ALDH1A2: variants seen among roughly 807,000 people sequenced by gnomAD.
The protein encoded by ALDH1A2 is aldehyde dehydrogenase 1 family member A2.
A neutral mutation model predicts 60.3 loss-of-function variants in ALDH1A2; 27 were observed. The ratio of observed to expected loss-of-function variants is 0.45; its 90% CI spans 0.33 to 0.62. The LOEUF is 0.62. Among genes scored for constraint, ALDH1A2 ranks in the 20% least tolerant of loss-of-function variants. The pLI, the probability that ALDH1A2 is intolerant of heterozygous loss-of-function variation, is 0.02. For synonymous variants in ALDH1A2, 289 were observed against 232.4 expected (o/e 1.24, Z -2.21); for missense variants, 581 against 643.8 (o/e 0.90, Z 1.06).
At chr15:58,024,892 A>G (rs1457812217) in intron 1 of ALDH1A2, among the ~76,000 whole-genome samples, 3 of 152,208 alleles carry the variant, frequency 2.0e-5, no homozygotes, top group East Asian at 1.9e-4. Flanking sequence ...ACAACTCTGG[A>G]AACGATACAA....
At chr15:57,979,080 C>T (rs1894385259) in intron 7 of ALDH1A2, among the ~76,000 whole-genome samples, 1 of 152,144 alleles carries the variant, frequency 6.6e-6, no homozygotes, top group Non-Finnish European at 1.5e-5. Context: ...GGGGATTAGG[C>T]CCAACCACTC....
chr15:57,961,071 T>A (rs3784260), intron 11 of ALDH1A2, 66 bp downstream of exon 11: 14 of 1,590,302 alleles, frequency 8.8e-6, no homozygotes, highest in Middle Eastern at 1.7e-4. Context: ...AAGGAGATAC[T>A]TGTTTATTTC....
chr15:58,017,236 C>T (rs1895813690), intron 1 of ALDH1A2, among the ~76,000 whole-genome samples: 1 of 152,132 alleles, frequency 6.6e-6, no homozygotes, highest in Admixed American at 6.5e-5. Context: ...CTGGACCATC[C>T]TGCTCTGATA....
intron 1 of ALDH1A2, among the ~76,000 whole-genome samples, chr15:58,032,961 TA>T (rs1247312165): frequency 2.6e-5 from 4 of 152,032 alleles, no homozygotes; most frequent in African/African-American, 9.7e-5. Context: ...ATGTGGGATC[TA>T]AAAAATATGA....
chr15:58,051,203 TATA>T (rs1362994716), intron 1 of ALDH1A2, among the ~76,000 whole-genome samples: 1 of 152,136 alleles, frequency 6.6e-6, no homozygotes, highest in African/African-American at 2.4e-5. Context: ...GGAACTGGAT[TATA>T]ATATTATTTG....
At chr15:57,974,987 G>T (rs1271839709) in intron 7 of ALDH1A2, among the ~76,000 whole-genome samples, 1 of 152,242 alleles carries the variant, frequency 6.6e-6, no homozygotes, top group Non-Finnish European at 1.5e-5. Context: ...CAATGGTAGA[G>T]AATTGGAAAT....
At chr15:58,021,253 T>C (rs1736786061) in intron 1 of ALDH1A2, among the ~76,000 whole-genome samples, 1 of 152,216 alleles carries the variant, frequency 6.6e-6, no homozygotes, top group Non-Finnish European at 1.5e-5. Context: ...AAGCAGTTTA[T>C]ATGACTGACT....
At chr15:58,029,051 A>G (rs1480378722) in intron 1 of ALDH1A2, among the ~76,000 whole-genome samples, 1 of 149,104 alleles carries the variant, frequency 6.7e-6, no homozygotes, top group Non-Finnish European at 1.5e-5. Context: ...CAAGTGGACC[A>G]AGTCTATTAA....
At chr15:57,970,459 G>C (rs1370259433) in intron 7 of ALDH1A2, among the ~76,000 whole-genome samples, 1 of 152,178 alleles carries the variant, frequency 6.6e-6, no homozygotes, top group Non-Finnish European at 1.5e-5. Context: ...GAGTATCCCT[G>C]GAAGAGCCAC....
chr15:58,038,924 A>G (rs1448540415), intron 1 of ALDH1A2, among the ~76,000 whole-genome samples: 1 of 151,838 alleles, frequency 6.6e-6, no homozygotes, highest in Non-Finnish European at 1.5e-5. Flanking sequence ...AAACGTTTCA[A>G]GTTTTGAAAC....
At chr15:57,971,889 A>G (rs1415577210) in intron 7 of ALDH1A2, among the ~76,000 whole-genome samples, 1 of 152,032 alleles carries the variant, frequency 6.6e-6, no homozygotes, top group African/African-American at 2.4e-5. Flanking sequence ...AAGCCTGGCT[A>G]ATTTATTTTT....
intron 7 of ALDH1A2, 84 bp from the exon 8 acceptor site, chr15:57,965,911 G>A (rs1893881961): frequency 2.9e-6 from 3 of 1,017,486 alleles, no homozygotes; most frequent in Admixed American, 1.8e-5. Context: ...GGCATCAATG[G>A]GATGCAACAG....
At chr15:58,065,324 T>A in intron 1 of ALDH1A2, 1 of 612,952 alleles carries the variant, frequency 1.6e-6, no homozygotes, top group East Asian at 2.9e-5. Flanking sequence ...CGGGTTGGGT[T>A]AAGTCCCCAA....
chr15:57,972,061 C>T (rs1478589852), intron 7 of ALDH1A2, among the ~76,000 whole-genome samples: 1 of 152,054 alleles, frequency 6.6e-6, no homozygotes, highest in Non-Finnish European at 1.5e-5. Context: ...CCTATTCTGT[C>T]TACTTGTTTT....
intron 7 of ALDH1A2, chr15:57,990,078 T>C (rs1894843741): frequency 6.6e-6 from 1 of 151,628 alleles, no homozygotes; most frequent in East Asian, 1.9e-4. Context: ...TACATGAGAA[T>C]TTAAAATCTG....
chr15:57,961,032 T>C, intron 11 of ALDH1A2, 105 bp downstream of exon 11: 2 of 1,486,776 alleles, frequency 1.3e-6, no homozygotes, highest in Non-Finnish European at 1.9e-6. Flanking sequence ...TGGTGAACTT[T>C]GGTTGCTTTT....
chr15:58,046,728 C>G (rs1263624764), intron 1 of ALDH1A2, among the ~76,000 whole-genome samples: 1 of 152,044 alleles, frequency 6.6e-6, no homozygotes, highest in Non-Finnish European at 1.5e-5. Flanking sequence ...ATGGGAGTTT[C>G]TCTCTTCCCT....
chr15:58,007,187 A>G (rs1470882352), intron 4 of ALDH1A2, among the ~76,000 whole-genome samples: 1 of 151,982 alleles, frequency 6.6e-6, no homozygotes, highest in Non-Finnish European at 1.5e-5. Context: ...AGCAGACAAG[A>G]ATGTTGTGAT....
At chr15:57,984,874 T>A (rs895299015) in intron 7 of ALDH1A2, among the ~76,000 whole-genome samples, 2 of 152,252 alleles carry the variant, frequency 1.3e-5, no homozygotes, top group African/African-American at 4.8e-5. Context: ...TCTTCTGTGA[T>A]GATCACCTGG....
Sources: allele counts gnomAD v4.1 joint callset (sites outside exome capture counted in the v4.1 genomes callset), GRCh38; gene constraint gnomAD v4.1.1; transcripts MANE v1.5; gene names NCBI Gene and HGNC (gene_info 2026-07-23, HGNC 2026-07-21).